The following ZNF652 variants were observed in gnomAD, a reference collection of about 807,000 sequenced individuals.
ZNF652 encodes the protein zinc finger protein 652.
Under a neutral mutation model 45.2 loss-of-function variants are expected in ZNF652, and 16 were observed. The ratio of observed to expected loss-of-function variants is 0.35; its 90% CI spans 0.24 to 0.54. The LOEUF (loss-of-function observed/expected upper bound fraction) is 0.54. ZNF652 is among the 20% of genes least tolerant of loss of function. The probability of loss-of-function intolerance (pLI) is 0.91; values close to 1 mark genes in which losing one functional copy is unlikely to be tolerated. For synonymous variants in ZNF652, 250 were observed against 260.6 expected, an observed-to-expected ratio of 0.96 and a Z score of 0.39; for missense variants, 614 against 765.6, an observed-to-expected ratio of 0.80 and a Z score of 2.34.
At chr17:49,358,284 G>A (rs929339739) in intron 1 of ZNF652, among the ~76,000 whole-genome samples, 3 of 152,148 alleles carry the variant, frequency 2.0e-5, no homozygotes, top group South Asian at 2.1e-4. Context: ...GTCACTAAAC[G>A]CAGCACCAGT....
At chr17:49,313,815 A>C (rs1012875046) in intron 2 of ZNF652, among the ~76,000 whole-genome samples, 2 of 151,416 alleles carry the variant, frequency 1.3e-5, no homozygotes, top group Non-Finnish European at 2.9e-5. Context: ...TCTACTAAAA[A>C]TAAAAAAATT....
Position 49,311,952 on chromosome 17 carries a change from G to A in ZNF652, c.1139C>T (p.Ser380Phe). 6.2e-7 allele frequency: 1 copy of A among 1,613,596 alleles called. No individual in the cohort carries two copies. The highest frequency in any genetic ancestry group is 8.5e-7 in the Non-Finnish European group (1 of 1,179,642). Reference protein sequence around the residue: ...MSLKVHSLQHSGEKPFRCENC... With the variant: ...MSLKVHSLQHFGEKPFRCENC... ...CTCGCATCTAAAGGGCTTCTCTCCA[G>A]AATGCTGCAAGGAGTGCACCTTGAG... Residue 380 changes from serine (S) to phenylalanine (F), a missense_variant, in exon 4 of 6, where the codon TCT becomes TTT. This residue lies in a region of ZNF652 where 81 missense variants were observed against 167.0 expected (regional missense o/e 0.48). Transcript: ENST00000430262.
At chr17:49,337,967 A>G (rs1369902988) in intron 1 of ZNF652, among the ~76,000 whole-genome samples, 1 of 152,148 alleles carries the variant, frequency 6.6e-6, no homozygotes, top group East Asian at 1.9e-4. Flanking sequence ...TGCACAAAAA[A>G]TAAGTCATGA....
At chr17:49,350,391 T>G (rs2143090445) in intron 1 of ZNF652, among the ~76,000 whole-genome samples, 1 of 151,454 alleles carries the variant, frequency 6.6e-6, no homozygotes, top group East Asian at 2.0e-4. Context: ...ATACAAAAAT[T>G]ACCCAGACGT....
rs73340399 is a variant in ZNF652 at position 49,295,381 on chromosome 17, G to C, written c.*3032C>G. The C allele has an allele frequency of 0.081, 11,101 of 137,426 alleles. 540 individuals are homozygous for C. The highest frequency in any genetic ancestry group is 0.16 in the Middle Eastern group (42 of 270). The allele number at this position is 137,426 out of a possible 1,614,324, so 8.5% of individuals were successfully genotyped here. On this transcript the variant is annotated 3_prime_UTR_variant, in exon 6 of 6. Coordinates refer to ENST00000430262, the MANE Select transcript of ZNF652 (RefSeq NM_001145365.3). ...ATTGTTCCACAATACACTTCACTAA[G>C]AATTGTACTGTATGACAATGCTAAT...
intron 5 of ZNF652, among the ~76,000 whole-genome samples, chr17:49,303,776 C>T (rs2069587351): frequency 6.6e-6 from 1 of 152,122 alleles, no homozygotes; most frequent in African/African-American, 2.4e-5. Flanking sequence ...AGACACTACT[C>T]ACAGACAGAA....
At chr17:49,331,250 T>G (rs2143849599) in intron 1 of ZNF652, among the ~76,000 whole-genome samples, 1 of 151,502 alleles carries the variant, frequency 6.6e-6, no homozygotes, top group East Asian at 2.0e-4. Flanking sequence ...GCCTCCCAAG[T>G]AGCTGGGACT....
intron 1 of ZNF652, among the ~76,000 whole-genome samples, chr17:49,342,093 G>A (rs926201464): frequency 3.3e-5 from 5 of 152,006 alleles, no homozygotes; most frequent in Middle Eastern, 6.3e-3. Context: ...GGCTGAGGCA[G>A]GAGAATCGCT....
At chr17:49,362,261 ACGCGCGCGCC>A (rs553512752), upstream of ZNF652, 6,475 of 149,570 alleles carry the variant, frequency 0.043, 152 homozygotes, top group Middle Eastern at 0.097. Context: ...GGCGGCGAGG[ACGCGCGCGCC>A]CGCGCGCGCC....
At chr17:49,323,288 T>G (rs974710365) in intron 1 of ZNF652, among the ~76,000 whole-genome samples, 2 of 152,222 alleles carry the variant, frequency 1.3e-5, no homozygotes, top group Admixed American at 6.5e-5. Context: ...TCTCAAGAAG[T>G]AGATTCCATC....
intron 1 of ZNF652, among the ~76,000 whole-genome samples, chr17:49,340,398 A>G (rs2070132077): frequency 6.6e-6 from 1 of 151,982 alleles, no homozygotes; most frequent in Non-Finnish European, 1.5e-5. Context: ...TCTACTAAAT[A>G]TACAAAAATT....
chr17:49,324,431 C>A (rs1168829727), intron 1 of ZNF652, among the ~76,000 whole-genome samples: 4 of 152,078 alleles, frequency 2.6e-5, no homozygotes, highest in Non-Finnish European at 5.9e-5. Context: ...TCACCTGTCA[C>A]CCAGGCTGGA....
chr17:49,329,100 C>G (rs1240951323), intron 1 of ZNF652, among the ~76,000 whole-genome samples: 4 of 152,320 alleles, frequency 2.6e-5, no homozygotes, highest in Middle Eastern at 3.4e-3. Flanking sequence ...TACCTTCCTT[C>G]AGAATGTCCA....
intron 5 of ZNF652, among the ~76,000 whole-genome samples, chr17:49,306,410 C>T (rs935639150): frequency 2.0e-5 from 3 of 152,148 alleles, no homozygotes; most frequent in South Asian, 2.1e-4. Flanking sequence ...ATTTTATTTA[C>T]AATTATAAAG....
At chr17:49,331,356 C>T (rs1465718202) in intron 1 of ZNF652, among the ~76,000 whole-genome samples, 6 of 151,892 alleles carry the variant, frequency 4.0e-5, no homozygotes. Flanking sequence ...CTCCTGACCT[C>T]GTGATCCACC....
At chr17:49,320,259 C>G (rs188370747) in intron 1 of ZNF652, among the ~76,000 whole-genome samples, 1 of 152,242 alleles carries the variant, frequency 6.6e-6, no homozygotes, top group East Asian at 1.9e-4. Flanking sequence ...TTTCCTTTTT[C>G]CTTGTGAGTT....
At chr17:49,335,331 C>T (rs1057274270) in intron 1 of ZNF652, among the ~76,000 whole-genome samples, 2 of 152,192 alleles carry the variant, frequency 1.3e-5, no homozygotes, top group East Asian at 3.8e-4. Context: ...CTCTTCCATA[C>T]TGCTGGGCAG....
chr17:49,347,742 T>G (rs926325486), intron 1 of ZNF652, among the ~76,000 whole-genome samples: 4 of 19,568 alleles, frequency 2.0e-4, no homozygotes, highest in African/African-American at 6.5e-4. Context: ...TTGGTTTTGT[T>G]TTTTTTTTTT....
At position 49,290,704 on chromosome 17, in the gene ZNF652, T is replaced by A. The variant is rs1366880346; in HGVS notation, c.*7709A>T. ...AAAAAGTCTAATTAATTAAGATGCC[T>A]GACCCACAAGGACTCCACACCCACA... On this transcript the variant is annotated 3_prime_UTR_variant, in exon 6 of 6. Transcript: ENST00000430262. 2.0e-5 allele frequency: 3 copies of A among 152,176 alleles called. No individual in the cohort carries two copies. The highest frequency in any genetic ancestry group is 7.2e-5 in the African/African-American group (3 of 41,434). The allele number at this position is 152,176 out of a possible 1,614,324, so 9.4% of individuals were successfully genotyped here.
Sources: gnomAD v4.1 joint callset for allele counts (sites outside exome capture counted in the v4.1 genomes callset) on GRCh38, gnomAD v4.1.1 for gene constraint, gnomAD v4.1.1 regional missense constraint, MANE v1.5 for transcripts, NCBI Gene and HGNC (gene_info 2026-07-23, HGNC 2026-07-21) for gene names.